MIPOL1: variants seen among roughly 807,000 people sequenced by gnomAD.
The protein encoded by MIPOL1 is mirror-image polydactyly 1.
MIPOL1 carries 57 observed loss-of-function variants against 60.9 expected under a neutral mutation model. That is an observed-to-expected ratio of 0.94 (90% CI 0.76 to 1.17). The LOEUF (loss-of-function observed/expected upper bound fraction) is 1.17, where lower values mean the gene tolerates loss of function less well. Ranked by LOEUF, MIPOL1 falls within the 50% of genes most tolerant of loss-of-function variation. The probability of loss-of-function intolerance (pLI) is 0.00; values close to 1 mark genes in which losing one functional copy is unlikely to be tolerated. For missense variants in MIPOL1, 551 were observed against 511.6 expected, an observed-to-expected ratio of 1.08 and a Z score of -0.74; for synonymous variants, 179 against 168.8, an observed-to-expected ratio of 1.06 and a Z score of -0.47.
chr14:37,356,643 G>A (rs879678052), intron 9 of MIPOL1, among the ~76,000 whole-genome samples: 52 of 152,332 alleles, frequency 3.4e-4, no homozygotes, highest in Non-Finnish European at 6.5e-4. Flanking sequence ...GAAAAGCGCA[G>A]TATTCGGGTG....
intron 10 of MIPOL1, among the ~76,000 whole-genome samples, chr14:37,388,486 GTT>G (rs77450180): frequency 8.8e-5 from 11 of 124,542 alleles, no homozygotes; most frequent in East Asian, 2.4e-4. Context: ...TTTTTTTTGT[GTT>G]TTTTTTTTTT....
chr14:37,257,092 G>T (rs1311213880), intron 3 of MIPOL1, among the ~76,000 whole-genome samples: 1 of 58,454 alleles, frequency 1.7e-5, no homozygotes, highest in Admixed American at 2.3e-4. Context: ...TTTTGGTTTT[G>T]TTTTGTGTGT....
At chr14:37,234,296 T>C (rs998301680) in intron 1 of MIPOL1, among the ~76,000 whole-genome samples, 2 of 151,842 alleles carry the variant, frequency 1.3e-5, no homozygotes, top group Admixed American at 1.3e-4. Flanking sequence ...AGGTGAACAA[T>C]CTGCTGCAGT....
At chr14:37,400,916 G>T (rs2093469681) in intron 10 of MIPOL1, 1 of 152,152 alleles carries the variant, frequency 6.6e-6, no homozygotes, top group Admixed American at 6.6e-5. Context: ...ATTGGTTCAT[G>T]AAGAAAGACC....
chr14:37,362,545 T>G (rs955761195), intron 9 of MIPOL1, among the ~76,000 whole-genome samples: 6 of 152,226 alleles, frequency 3.9e-5, no homozygotes, highest in African/African-American at 1.4e-4. Flanking sequence ...TTAACATTTT[T>G]TCCTTTATTT....
intron 3 of MIPOL1, among the ~76,000 whole-genome samples, chr14:37,252,068 A>T (rs1974198617): frequency 6.6e-6 from 1 of 151,802 alleles, no homozygotes; most frequent in Admixed American, 6.6e-5. Context: ...AAGGTAAGAA[A>T]TGATGAGAAT....
chr14:37,281,525 C>G (rs1159053660), intron 6 of MIPOL1, among the ~76,000 whole-genome samples: 1 of 152,182 alleles, frequency 6.6e-6, no homozygotes, highest in Non-Finnish European at 1.5e-5. Context: ...CTGCCTCAGC[C>G]TCCTGAGTAG....
chr14:37,539,928 G>A (rs561937577), intron 12 of MIPOL1, among the ~76,000 whole-genome samples: 2 of 152,314 alleles, frequency 1.3e-5, no homozygotes, highest in East Asian at 3.9e-4. Flanking sequence ...AACCATGGGA[G>A]CAGTTTCCCC....
chr14:37,382,430 A>G (rs2092949607), intron 10 of MIPOL1, among the ~76,000 whole-genome samples: 1 of 152,218 alleles, frequency 6.6e-6, no homozygotes, highest in African/African-American at 2.4e-5. Flanking sequence ...TTGAAACATG[A>G]TATGGAAAGT....
At chr14:37,263,557 A>T (rs1452959016) in intron 3 of MIPOL1, among the ~76,000 whole-genome samples, 1 of 152,206 alleles carries the variant, frequency 6.6e-6, no homozygotes, top group Non-Finnish European at 1.5e-5. Flanking sequence ...TGTCTAAATA[A>T]AACAGTGTGC....
At chr14:37,343,662 T>C (rs1053632481) in intron 9 of MIPOL1, among the ~76,000 whole-genome samples, 2 of 152,180 alleles carry the variant, frequency 1.3e-5, no homozygotes, top group African/African-American at 2.4e-5. Flanking sequence ...ACTTTTTTGT[T>C]AGGAACTTAA....
chr14:37,489,470 C>T (rs2095011853), intron 11 of MIPOL1, among the ~76,000 whole-genome samples: 1 of 152,128 alleles, frequency 6.6e-6, no homozygotes, highest in Non-Finnish European at 1.5e-5. Flanking sequence ...CAAACTCCTC[C>T]ATCTAGTTTT....
chr14:37,212,914 A>G (rs182014610), intron 1 of MIPOL1, among the ~76,000 whole-genome samples: 2 of 152,290 alleles, frequency 1.3e-5, no homozygotes, highest in East Asian at 3.9e-4. Context: ...AAGGGAAGAG[A>G]ATAAGAATCT....
In MIPOL1 at chr14:37,447,912, T is replaced by A. The variant is rs539708959; in HGVS notation, c.1031+24963T>A. ...GTGGGTAGATAGGCAGTTATGAATGTTGGTAGGTGAACTAAAGAGATCAAA... is the reference window on the plus strand; with the variant it reads ...GTGGGTAGATAGGCAGTTATGAATGATGGTAGGTGAACTAAAGAGATCAAA... On this transcript the variant is annotated intron_variant, in intron 11 of 12. Transcript: ENST00000684589. Among the ~76,000 whole-genome samples the A allele has an allele frequency of 2.6e-5, 4 of 152,190 alleles. No homozygotes were observed. In the South Asian group the frequency reaches 8.3e-4, roughly 32 times the overall value.
chr14:37,422,812 C>G (rs775724208), intron 10 of MIPOL1, 43 bp from the exon 11 acceptor site: 1 of 1,333,866 alleles, frequency 7.5e-7, no homozygotes, highest in Non-Finnish European at 1.1e-6. Flanking sequence ...TTTTATCATA[C>G]CAAAATGAAT....
intron 10 of MIPOL1, chr14:37,401,605 G>A (rs796742676): frequency 1.3e-5 from 2 of 152,046 alleles, no homozygotes; most frequent in South Asian, 2.1e-4. Context: ...CCTATATTTA[G>A]CCAAAATATC....
rs1017856886 is a variant in MIPOL1, at chr14:37,547,109, G to A, written c.*138G>A. 3 of 658,978 alleles carry A rather than the reference G, an allele frequency of 4.6e-6. No individual in the cohort carries two copies. The Admixed American group carries it at 9.2e-5, about 20-fold the overall frequency. The allele number at this position is 658,978 out of a possible 1,614,324, so 40.8% of individuals were successfully genotyped here. Reference sequence around the variant, plus strand: ...ACACTCCAACCACATTCCAAGCTGAGATAAAATCAAATCACAAATGTTTAA... The same window carrying A: ...ACACTCCAACCACATTCCAAGCTGAAATAAAATCAAATCACAAATGTTTAA... On this transcript the variant is annotated 3_prime_UTR_variant, in exon 13 of 13. Transcript: ENST00000684589.
chr14:37,338,165 G>A (rs1259214855), intron 9 of MIPOL1, among the ~76,000 whole-genome samples: 1 of 143,452 alleles, frequency 7.0e-6, no homozygotes. Flanking sequence ...GGAGTGCAGT[G>A]GCGTGATCTT....
Position 37,510,516 on chromosome 14 carries a change from T to C in MIPOL1, c.1262+10378T>C, listed in dbSNP as rs1018027636. 2.0e-5 allele frequency among the ~76,000 whole-genome samples: 3 copies of C among 152,112 alleles called. No individual in the cohort carries two copies. In the East Asian group the frequency reaches 5.8e-4, roughly 29 times the overall value. On this transcript the variant is annotated intron_variant, in intron 12 of 12. Coordinates refer to ENST00000684589, the MANE Select transcript of MIPOL1 (RefSeq NM_001388067.1). ...CCTCCCAAAGTACTGGGATTACAGGTGTGAGACACTGCACCAGGCATAGGT... is the reference window on the plus strand; with the variant it reads ...CCTCCCAAAGTACTGGGATTACAGGCGTGAGACACTGCACCAGGCATAGGT...
Sources: gnomAD v4.1 joint callset for allele counts (sites outside exome capture counted in the v4.1 genomes callset) on GRCh38, gnomAD v4.1.1 for gene constraint, MANE v1.5 for transcripts, NCBI Gene and HGNC (gene_info 2026-07-23, HGNC 2026-07-21) for gene names.